RALYL: variants seen among roughly 807,000 people sequenced by gnomAD.
RALYL encodes the protein RNA-binding Raly-like protein.
In RALYL, 29 loss-of-function variants were observed where a neutral mutation model predicts 35.1. The ratio of observed to expected loss-of-function variants is 0.83; its 90% CI spans 0.61 to 1.13. RALYL has a LOEUF of 1.13. Ranked by LOEUF, RALYL falls within the 50% of genes most tolerant of loss-of-function variation. RALYL has a pLI of 0.00. For missense variants in RALYL, 359 were observed against 360.4 expected, an observed-to-expected ratio of 1.00 and a Z score of 0.03; for synonymous variants, 120 against 127.6, an observed-to-expected ratio of 0.94 and a Z score of 0.40.
chr8:84,417,185 T>C (rs925018736), intron 1 of RALYL, among the ~76,000 whole-genome samples: 1 of 151,710 alleles, frequency 6.6e-6, no homozygotes, highest in Non-Finnish European at 1.5e-5. Context: ...AGCTATAATA[T>C]GTGCTCTGGT....
intron 1 of RALYL, among the ~76,000 whole-genome samples, chr8:84,411,227 A>G (rs1277783788): frequency 6.6e-6 from 1 of 151,900 alleles, no homozygotes; most frequent in East Asian, 1.9e-4. Flanking sequence ...CTCCACTTTC[A>G]TGCCTAAACT....
At chr8:84,403,344 A>C (rs1359122087) in intron 1 of RALYL, among the ~76,000 whole-genome samples, 1 of 152,074 alleles carries the variant, frequency 6.6e-6, no homozygotes, top group Non-Finnish European at 1.5e-5. Context: ...GATAAGGTGT[A>C]AGGAAAGGGT....
At chr8:84,668,903 G>A (rs1467394450) in intron 2 of RALYL, among the ~76,000 whole-genome samples, 1 of 152,004 alleles carries the variant, frequency 6.6e-6, no homozygotes, top group African/African-American at 2.4e-5. Context: ...ACTGGTAAAT[G>A]TCAGATAATT....
chr8:84,908,789 C>T (rs754744177), intron 8 of RALYL, among the ~76,000 whole-genome samples: 5 of 151,986 alleles, frequency 3.3e-5, no homozygotes, highest in Non-Finnish European at 7.4e-5. Flanking sequence ...GAGCTCAATC[C>T]TGCTGATCTG....
chr8:84,589,503 T>G (rs1185754758), intron 2 of RALYL, among the ~76,000 whole-genome samples: 1 of 152,252 alleles, frequency 6.6e-6, no homozygotes, highest in Non-Finnish European at 1.5e-5. Context: ...TAGCATATAT[T>G]TCATATGTAT....
chr8:84,376,409 C>T (rs1057380530), intron 1 of RALYL, among the ~76,000 whole-genome samples: 4 of 151,646 alleles, frequency 2.6e-5, no homozygotes, highest in Non-Finnish European at 4.4e-5. Context: ...CAAGATAATG[C>T]TTTAGAAGAA....
intron 2 of RALYL, among the ~76,000 whole-genome samples, chr8:84,708,368 T>C (rs1841573244): frequency 1.3e-5 from 2 of 152,008 alleles, no homozygotes; most frequent in African/African-American, 4.8e-5. Context: ...GAGGGAAGAG[T>C]GCCCATTGCC....
intron 1 of RALYL, among the ~76,000 whole-genome samples, chr8:84,482,103 T>A (rs74891985): frequency 0.015 from 2,346 of 152,212 alleles, 34 homozygotes; most frequent in Middle Eastern, 0.034. Flanking sequence ...CAGTAGTAGA[T>A]TTTCTTTAAA....
intron 2 of RALYL, among the ~76,000 whole-genome samples, chr8:84,604,169 T>C (rs1055654853): frequency 6.6e-6 from 1 of 152,164 alleles, no homozygotes; most frequent in Admixed American, 6.5e-5. Flanking sequence ...TTTAGATTAA[T>C]CTATTTGAAT....
At chr8:84,332,743 A>G (rs571009878) in intron 1 of RALYL, among the ~76,000 whole-genome samples, 2 of 152,228 alleles carry the variant, frequency 1.3e-5, no homozygotes, top group African/African-American at 4.8e-5. Context: ...AGGATCCATG[A>G]GCAGAGAAAG....
chr8:84,296,678 A>G (rs1839819217), intron 1 of RALYL, among the ~76,000 whole-genome samples: 1 of 134,000 alleles, frequency 7.5e-6, no homozygotes, highest in Non-Finnish European at 1.5e-5. Flanking sequence ...CTCAAGGAAC[A>G]TGTAGGAAAA....
chr8:84,281,638 C>T (rs548224333), intron 1 of RALYL, among the ~76,000 whole-genome samples: 3 of 152,134 alleles, frequency 2.0e-5, no homozygotes, highest in Admixed American at 6.6e-5. Flanking sequence ...CCCAGATATC[C>T]ATCCCCAAAC....
At chr8:84,234,761 A>ATTTT (rs1291821413) in intron 1 of RALYL, among the ~76,000 whole-genome samples, 1 of 137,044 alleles carries the variant, frequency 7.3e-6, no homozygotes. Flanking sequence ...AATTTTATTT[A>ATTTT]TTTATTTATT....
intron 2 of RALYL, among the ~76,000 whole-genome samples, chr8:84,680,428 G>A (rs560574619): frequency 1.2e-4 from 19 of 152,230 alleles, no homozygotes; most frequent in African/African-American, 4.3e-4. Flanking sequence ...TCGCCACACT[G>A]ACTTCCACAA....
At chr8:84,362,197 T>A (rs1203758908) in intron 1 of RALYL, among the ~76,000 whole-genome samples, 1 of 152,066 alleles carries the variant, frequency 6.6e-6, no homozygotes, top group Non-Finnish European at 1.5e-5. Context: ...CAGACCACAA[T>A]CAGGAGTAGT....
intron 2 of RALYL, among the ~76,000 whole-genome samples, chr8:84,713,008 T>C (rs1222875823): frequency 1.3e-5 from 2 of 152,132 alleles, no homozygotes; most frequent in Non-Finnish European, 2.9e-5. Context: ...CCTGTACTTT[T>C]GGGGACATAT....
rs1308012401 is a variant in RALYL, at chr8:84,701,845, GT to G, written c.257-72733del. On this transcript the variant is annotated intron_variant, in intron 2 of 8. Coordinates refer to ENST00000521268, the MANE Select transcript of RALYL (RefSeq NM_173848.7). ...GCACAACTAGTTGTTGTGGAAACAT[GT>G]CCCTTGTGGGGTGTCATCTCCTGTT... Among the ~76,000 whole-genome samples the G allele has an allele frequency of 2.0e-5, 3 of 152,164 alleles. 1 individual carries two copies. The highest frequency in any genetic ancestry group is 7.2e-5 in the African/African-American group (3 of 41,442).
chr8:84,785,958 A>G (rs981028859), intron 3 of RALYL, among the ~76,000 whole-genome samples: 168 of 152,266 alleles, frequency 1.1e-3, no homozygotes, highest in African/African-American at 3.9e-3. Context: ...TGCATTACCT[A>G]TTTATTCTGA....
At chr8:84,783,399 T>G (rs1818656076) in intron 3 of RALYL, among the ~76,000 whole-genome samples, 1 of 152,134 alleles carries the variant, frequency 6.6e-6, no homozygotes, top group Admixed American at 6.5e-5. Context: ...GATCTTACCT[T>G]TTTATGTAGC....
Sources: allele counts gnomAD v4.1 joint callset (sites outside exome capture counted in the v4.1 genomes callset), GRCh38; gene constraint gnomAD v4.1.1; transcripts MANE v1.5; gene names NCBI Gene and HGNC (gene_info 2026-07-23, HGNC 2026-07-21).